The following LRP1B variants were observed in gnomAD, a reference collection of about 807,000 sequenced individuals.
The protein encoded by LRP1B is low-density lipoprotein receptor-related protein 1B.
Under a neutral mutation model 556.6 loss-of-function variants are expected in LRP1B, and 217 were observed. The observed-to-expected ratio is 0.39, with a 90% CI of 0.35 to 0.44. The LOEUF (loss-of-function observed/expected upper bound fraction) is 0.44, where lower values mean the gene tolerates loss of function less well. Ranked by LOEUF, LRP1B falls within the 20% of genes least tolerant of loss-of-function variation. LRP1B has a pLI of 1.00. For synonymous variants in LRP1B, 2,047 were observed against 1,865.8 expected (o/e 1.10, Z -2.50); for missense variants, 5,053 against 5,620.8 (o/e 0.90, Z 3.23).
At chr2:140,771,065 T>C in intron 33 of LRP1B, 59 bp from the exon 34 acceptor site, 1 of 1,283,788 alleles carries the variant, frequency 7.8e-7, no homozygotes, top group Non-Finnish European at 1.1e-6. Context: ...AATAAAGTTT[T>C]ATTTAACGTC....
At chr2:141,917,593 T>C (rs765600970) in intron 1 of LRP1B, among the ~76,000 whole-genome samples, 17 of 152,166 alleles carry the variant, frequency 1.1e-4, no homozygotes, top group Non-Finnish European at 2.2e-4. Context: ...ACATTTCTGT[T>C]AGTTCTAAAG....
intron 73 of LRP1B, among the ~76,000 whole-genome samples, chr2:140,358,400 T>G (rs1236843818): frequency 6.6e-6 from 1 of 151,694 alleles, no homozygotes; most frequent in Non-Finnish European, 1.5e-5. Context: ...TGGCTCCAAT[T>G]AGGTCAGGTC....
intron 6 of LRP1B, among the ~76,000 whole-genome samples, chr2:141,219,835 C>T (rs1682962754): frequency 6.6e-6 from 1 of 152,098 alleles, no homozygotes; most frequent in Non-Finnish European, 1.5e-5. Flanking sequence ...TAAGCCCCAG[C>T]AGCCCTACAG....
At chr2:140,946,839 A>G (rs1372586228) in intron 20 of LRP1B, among the ~76,000 whole-genome samples, 1 of 152,212 alleles carries the variant, frequency 6.6e-6, no homozygotes, top group Non-Finnish European at 1.5e-5. Context: ...AATACTATGC[A>G]ACCATAAAAA....
intron 11 of LRP1B, among the ~76,000 whole-genome samples, chr2:141,038,603 G>C (rs1280704010): frequency 6.6e-6 from 1 of 152,082 alleles, no homozygotes; most frequent in African/African-American, 2.4e-5. Context: ...AGTTTTCTCA[G>C]CATGTATTAT....
intron 1 of LRP1B, among the ~76,000 whole-genome samples, chr2:142,070,295 C>T (rs1574652823): frequency 6.6e-6 from 1 of 151,758 alleles, no homozygotes; most frequent in East Asian, 1.9e-4. Flanking sequence ...TATCTTATAT[C>T]CTCTCATTTA....
intron 1 of LRP1B, among the ~76,000 whole-genome samples, chr2:141,902,717 T>A (rs555137945): frequency 7.7e-6 from 1 of 130,658 alleles, no homozygotes; most frequent in African/African-American, 2.5e-5. Flanking sequence ...TTGTGTCTTA[T>A]TGAGTGACTG....
intron 66 of LRP1B, among the ~76,000 whole-genome samples, chr2:140,432,949 C>G (rs1488312839): frequency 1.3e-5 from 2 of 152,094 alleles, no homozygotes; most frequent in East Asian, 3.9e-4. Context: ...TGATTTAAAA[C>G]TTTTAATCTA....
chr2:140,757,753 C>T (rs1203420838), intron 35 of LRP1B, among the ~76,000 whole-genome samples: 7 of 152,108 alleles, frequency 4.6e-5, no homozygotes, highest in Admixed American at 2.6e-4. Flanking sequence ...TGGTGGCATG[C>T]GCCTGTAGTC....
rs148045904 is a variant in LRP1B, at chr2:140,546,000, T to TTGTGTGTGTGTGTGTGTGTGTGTG, written c.7195-4053_7195-4030dup. On this transcript the variant is annotated intron_variant, in intron 43 of 90. Transcript: ENST00000389484. ...CTCACTGGTTAGCTGTATTATTAGG[T>TTGTGTGTGTGTGTGTGTGTGTGTG]TGTGTGTGTGTGTGTGTGTGTGTGT... Among the ~76,000 whole-genome samples the TTGTGTGTGTGTGTGTGTGTGTGTG allele has an allele frequency of 4.2e-5, 6 of 142,700 alleles. No individual in the cohort carries two copies. The East Asian group carries it at 6.5e-4, about 16-fold the overall frequency. 93.6% of individuals were successfully genotyped at this position (142,700 alleles called of 152,430 possible). A position where few individuals can be genotyped will look rare whatever the true frequency, so the allele number is the denominator to read the frequency against.
intron 1 of LRP1B, among the ~76,000 whole-genome samples, chr2:141,916,358 T>TATTTATTTATTA (rs1700032093): frequency 6.7e-6 from 1 of 149,196 alleles, no homozygotes; most frequent in Non-Finnish European, 1.5e-5. Context: ...CTTATTTATT[T>TATTTATTTATTA]ATTTATTTAT....
At chr2:141,744,183 G>C (rs1265445199) in intron 2 of LRP1B, among the ~76,000 whole-genome samples, 1 of 151,732 alleles carries the variant, frequency 6.6e-6, no homozygotes, top group Non-Finnish European at 1.5e-5. Flanking sequence ...TTAGTATGTT[G>C]TGCTTTCATT....
intron 1 of LRP1B, among the ~76,000 whole-genome samples, chr2:141,873,250 G>A (rs1698647215): frequency 2.0e-5 from 3 of 151,948 alleles, no homozygotes; most frequent in Admixed American, 1.3e-4. Flanking sequence ...GAGTCAAGGA[G>A]TTTGAGACCA....
chr2:141,004,650 G>A (rs902069435), intron 15 of LRP1B, among the ~76,000 whole-genome samples: 4 of 151,834 alleles, frequency 2.6e-5, no homozygotes, highest in African/African-American at 9.7e-5. Flanking sequence ...TATTAGTTCT[G>A]TTTTTCTGAA....
rs560085175 is a variant in LRP1B, at chr2:140,448,919, C to T, written c.10057+1649G>A. 4.6e-5 allele frequency among the ~76,000 whole-genome samples: 7 copies of T among 151,916 alleles called. No individual in the cohort carries two copies. In the East Asian group the frequency reaches 7.8e-4, roughly 17 times the overall value. On this transcript the variant is annotated intron_variant, in intron 63 of 90. Coordinates refer to ENST00000389484, the MANE Select transcript of LRP1B (RefSeq NM_018557.3). The stretch of plus-strand genomic sequence containing the variant: ...AAAAAATTTAGATATTAGTATTTAA[C>T]CAAAACAAGGATCATAGAGAAGCTC...
chr2:141,863,692 A>T (rs1698321166), intron 1 of LRP1B, among the ~76,000 whole-genome samples: 2 of 152,190 alleles, frequency 1.3e-5, no homozygotes, highest in Admixed American at 1.3e-4. Context: ...GGATGATGAA[A>T]CCAAGTCTTA....
intron 2 of LRP1B, among the ~76,000 whole-genome samples, chr2:141,566,782 C>T (rs761755933): frequency 1.6e-4 from 25 of 151,854 alleles, no homozygotes; most frequent in Non-Finnish European, 2.8e-4. Flanking sequence ...TCACTTGAGC[C>T]CAGGTGTTTG....
chr2:140,855,145 A>G (rs1406196360), intron 27 of LRP1B, among the ~76,000 whole-genome samples: 1 of 152,036 alleles, frequency 6.6e-6, no homozygotes, highest in Non-Finnish European at 1.5e-5. Flanking sequence ...AAAAGCTGAG[A>G]TACAATAGTG....
chr2:141,310,740 G>A (rs1686782318), intron 3 of LRP1B, among the ~76,000 whole-genome samples: 1 of 152,046 alleles, frequency 6.6e-6, no homozygotes, highest in Non-Finnish European at 1.5e-5. Context: ...AATAAAATAA[G>A]ACGATGCAAA....
Sources: allele counts gnomAD v4.1 joint callset (sites outside exome capture counted in the v4.1 genomes callset), GRCh38; gene constraint gnomAD v4.1.1; transcripts MANE v1.5; gene names NCBI Gene and HGNC (gene_info 2026-07-23, HGNC 2026-07-21).